DDX19B: variants seen among roughly 807,000 people sequenced by gnomAD.
The protein encoded by DDX19B is ATP-dependent RNA helicase DDX19B.
Under a neutral mutation model 58.1 loss-of-function variants are expected in DDX19B, and 27 were observed. The observed-to-expected ratio is 0.46, with a 90% CI of 0.34 to 0.64. DDX19B has a LOEUF of 0.64. Ranked by LOEUF, DDX19B falls within the 30% of genes least tolerant of loss-of-function variation. DDX19B has a pLI of 0.01. For synonymous variants in DDX19B, 187 were observed against 214.4 expected (o/e 0.87, Z 1.12); for missense variants, 399 against 596.5 (o/e 0.67, Z 3.45).
At chr16:70,311,794 T>C (rs563432194) in intron 1 of DDX19B, among the ~76,000 whole-genome samples, 51 of 152,114 alleles carry the variant, frequency 3.4e-4, no homozygotes, top group Admixed American at 5.9e-4. Flanking sequence ...CTCTAACGTA[T>C]CCTGCAGTAT....
rs1302652258 is a variant in DDX19B at position 70,334,763 on chromosome 16, G to C, written c.*1181G>C. On this transcript the variant is annotated 3_prime_UTR_variant, in exon 12 of 12. Coordinates refer to ENST00000288071, the MANE Select transcript of DDX19B (RefSeq NM_007242.7). ...AGCCTTACTTGGCATCTTTGCGCAA[G>C]ATAGTCAGAGCAAACAATAGTAATG... The C allele has an allele frequency of 6.6e-6, 1 of 152,228 alleles. No individual in the cohort carries two copies. The highest frequency in any genetic ancestry group is 1.5e-5 in the Non-Finnish European group (1 of 68,056). 9.4% of individuals were successfully genotyped at this position (152,228 alleles called of 1,614,324 possible). A position where few individuals can be genotyped will look rare whatever the true frequency, so the allele number is the denominator to read the frequency against.
At position 70,330,200 on chromosome 16, in the gene DDX19B, G is replaced by A. The variant is rs772250311; in HGVS notation, c.1023+132G>A. ...GTTTGTTCTCCTAAGGTTTTAGTGAGTCGTAAGAGGGAGACTTTGATTCCA... is the reference window on the plus strand; with the variant it reads ...GTTTGTTCTCCTAAGGTTTTAGTGAATCGTAAGAGGGAGACTTTGATTCCA... On this transcript the variant is annotated intron_variant, in intron 9 of 11. Coordinates refer to ENST00000288071, the MANE Select transcript of DDX19B (RefSeq NM_007242.7). The A allele has an allele frequency of 5.7e-5, 57 of 996,436 alleles. No individual in the cohort carries two copies. The Admixed American group carries it at 6.4e-4, about 11-fold the overall frequency. The allele number at this position is 996,436 out of a possible 1,614,324, so 61.7% of individuals were successfully genotyped here. A position where few individuals can be genotyped will look rare whatever the true frequency, so the allele number is the denominator to read the frequency against.
intron 4 of DDX19B, 116 bp downstream of exon 4, chr16:70,316,220 T>C: frequency 6.9e-7 from 1 of 1,459,056 alleles, no homozygotes; most frequent in South Asian, 1.5e-5. Flanking sequence ...AGTTTTTTTT[T>C]TTTTTTCGAG....
intron 1 of DDX19B, among the ~76,000 whole-genome samples, chr16:70,309,292 G>A (rs1437650085): frequency 2.0e-5 from 3 of 151,740 alleles, no homozygotes; most frequent in Non-Finnish European, 2.9e-5. Flanking sequence ...TCAGGAGATC[G>A]AGACCATCCT....
chr16:70,323,435 T>TA (rs958153370), intron 5 of DDX19B, among the ~76,000 whole-genome samples: 1 of 150,142 alleles, frequency 6.7e-6, no homozygotes, highest in Non-Finnish European at 1.5e-5. Flanking sequence ...TTTCTTTTTT[T>TA]TTTTTTGACA....
intron 2 of DDX19B, among the ~76,000 whole-genome samples, chr16:70,314,352 C>T (rs1031962059): frequency 6.6e-6 from 1 of 151,718 alleles, no homozygotes; most frequent in Non-Finnish European, 1.5e-5. Context: ...GAGAGGAGAC[C>T]TAGAATAGGA....
intron 5 of DDX19B, among the ~76,000 whole-genome samples, chr16:70,321,002 G>T: frequency 7.8e-6 from 1 of 128,376 alleles, no homozygotes. Context: ...CGCTCTTGTT[G>T]CCCAGGCTGG....
chr16:70,314,863 G>T, intron 2 of DDX19B, 39 bp from the exon 3 acceptor site: 1 of 1,603,170 alleles, frequency 6.2e-7, no homozygotes, highest in Non-Finnish European at 8.5e-7. Context: ...TTGGGTATGG[G>T]ATGCGATTTT....
intron 1 of DDX19B, among the ~76,000 whole-genome samples, chr16:70,305,237 C>CT (rs1961695047): frequency 6.6e-6 from 1 of 152,158 alleles, no homozygotes; most frequent in South Asian, 2.1e-4. Context: ...AAACTCCTGC[C>CT]TAGATGGTGG....
upstream of DDX19B, among the ~76,000 whole-genome samples, chr16:70,296,473 G>A (rs1377957629): frequency 1.3e-5 from 2 of 152,040 alleles, no homozygotes; most frequent in African/African-American, 4.8e-5. Context: ...AAGCATATAT[G>A]GGAGCTTGGG....
intron 10 of DDX19B, 52 bp downstream of exon 10, chr16:70,331,936 C>T: frequency 1.9e-6 from 3 of 1,595,636 alleles, no homozygotes; most frequent in Non-Finnish European, 1.7e-6. Flanking sequence ...GTCCCAGGCC[C>T]AGTTAGAGCC....
At chr16:70,301,365 T>C (rs1961475218) in intron 1 of DDX19B, among the ~76,000 whole-genome samples, 1 of 152,202 alleles carries the variant, frequency 6.6e-6, no homozygotes, top group Non-Finnish European at 1.5e-5. Context: ...TTTAAATGTA[T>C]TGTTCCATTG....
At chr16:70,316,213 T>TA in intron 4 of DDX19B, 109 bp downstream of exon 4, 2 of 1,227,872 alleles carry the variant, frequency 1.6e-6, no homozygotes, top group Middle Eastern at 4.3e-4. Flanking sequence ...CTAACCAAGT[T>TA]TTTTTTTTTT....
upstream of DDX19B, among the ~76,000 whole-genome samples, chr16:70,297,957 G>C (rs1176202948): frequency 6.6e-6 from 1 of 152,160 alleles, no homozygotes; most frequent in Non-Finnish European, 1.5e-5. Context: ...GGATTCAAGC[G>C]ATCCTCCCAC....
At chr16:70,315,872 C>T (rs556520525) in intron 3 of DDX19B, 97 bp from the exon 4 acceptor site, 3 of 1,468,374 alleles carry the variant, frequency 2.0e-6, no homozygotes, top group Admixed American at 2.1e-5. Context: ...ATGTTCAGTA[C>T]ATTATTATTT....
chr16:70,311,463 T>C (rs1962091931), intron 1 of DDX19B, among the ~76,000 whole-genome samples: 1 of 151,850 alleles, frequency 6.6e-6, no homozygotes, highest in African/African-American at 2.4e-5. Flanking sequence ...AGAAATATGC[T>C]ACTCTGGGCA....
chr16:70,291,475 G>A (rs575054522), upstream of DDX19B, among the ~76,000 whole-genome samples: 1 of 152,250 alleles, frequency 6.6e-6, no homozygotes, highest in African/African-American at 2.4e-5. Context: ...GTTGTTACTA[G>A]GATAGTACCT....
rs1248513272 is a variant in DDX19B, at chr16:70,329,461, C to T, written c.777C>T (p.Arg259=). 3.7e-6 allele frequency: 6 copies of T among 1,613,962 alleles called. No homozygotes were observed. The highest frequency in any genetic ancestry group is 1.7e-5 in the Admixed American group (1 of 59,986). Residue 259 remains arginine, a synonymous_variant, in exon 8 of 12, where the codon CGC becomes CGT. Transcript: ENST00000288071. ...AGGGCCACCAAGATCAGAGCATCCG[C>T]ATCCAGAGGTAGGGATCTCGAGGGT... ...ATQGHQDQSI[R]IQRMLPRNCQ... is the part of the protein sequence containing the mutation.
intron 1 of DDX19B, among the ~76,000 whole-genome samples, chr16:70,311,788 A>T (rs1212664990): frequency 1.3e-5 from 2 of 152,148 alleles, no homozygotes; most frequent in Non-Finnish European, 2.9e-5. Context: ...TTACGGCTCT[A>T]ACGTATCCTG....
Sources: allele counts gnomAD v4.1 joint callset (sites outside exome capture counted in the v4.1 genomes callset), GRCh38; gene constraint gnomAD v4.1.1; transcripts MANE v1.5; gene names NCBI Gene and HGNC (gene_info 2026-07-23, HGNC 2026-07-21).